FYB1: variants seen among roughly 807,000 people sequenced by gnomAD.
FYB1 encodes the protein FYN-binding protein 1.
FYB1 carries 41 observed loss-of-function variants against 94.1 expected under a neutral mutation model. That is an observed-to-expected ratio of 0.44 (90% CI 0.34 to 0.57). The LOEUF (loss-of-function observed/expected upper bound fraction) is 0.57, where lower values mean the gene tolerates loss of function less well. Ranked by LOEUF, FYB1 falls within the 20% of genes least tolerant of loss-of-function variation. FYB1 has a pLI of 0.02. For synonymous variants in FYB1, 367 were observed against 353.2 expected, an observed-to-expected ratio of 1.04 and a Z score of -0.44; for missense variants, 1,050 against 976.8, an observed-to-expected ratio of 1.07 and a Z score of -1.00.
At chr5:39,204,117 T>A (rs1414475088) in intron 1 of FYB1, among the ~76,000 whole-genome samples, 2 of 152,140 alleles carry the variant, frequency 1.3e-5, no homozygotes, top group African/African-American at 4.8e-5. Flanking sequence ...GCACATTTCA[T>A]CTTTCAAGGT....
At chr5:39,245,523 G>A (rs1035882029) in intron 1 of FYB1, among the ~76,000 whole-genome samples, 10 of 152,078 alleles carry the variant, frequency 6.6e-5, no homozygotes, top group Admixed American at 3.3e-4. Flanking sequence ...GCAGAGAAGC[G>A]GGTTCTATTA....
intron 1 of FYB1, among the ~76,000 whole-genome samples, chr5:39,265,690 C>T (rs559200046): frequency 6.6e-6 from 1 of 151,960 alleles, no homozygotes. Flanking sequence ...AAAAGAAATG[C>T]ACATTTCCAG....
intron 3 of FYB1, among the ~76,000 whole-genome samples, chr5:39,148,153 TTTTATATATATATATATATA>T (rs1222395692): frequency 0.033 from 2,614 of 79,440 alleles, 217 homozygotes; most frequent in African/African-American, 0.056. Flanking sequence ...TATATGTATT[TTTTATATATATATATATATA>T]TATATATATA....
intron 1 of FYB1, chr5:39,213,105 A>T (rs1038677003): frequency 6.6e-6 from 1 of 152,062 alleles, no homozygotes; most frequent in African/African-American, 2.4e-5. Flanking sequence ...CCCATTCCTA[A>T]TTTCATTATT....
intron 2 of FYB1, among the ~76,000 whole-genome samples, chr5:39,157,385 A>C (rs147948121): frequency 4.0e-3 from 610 of 152,268 alleles, no homozygotes; most frequent in Middle Eastern, 6.8e-3. Flanking sequence ...GGCTCTAGAG[A>C]CTGTAAGGCT....
intron 2 of FYB1, among the ~76,000 whole-genome samples, chr5:39,168,113 C>T (rs189425498): frequency 2.4e-4 from 36 of 152,264 alleles, no homozygotes; most frequent in African/African-American, 8.4e-4. Flanking sequence ...TAAACCTTTG[C>T]AATTGGTAGC....
intron 16 of FYB1, 145 bp from the exon 17 acceptor site, chr5:39,110,534 CT>C (rs1738974901): frequency 2.1e-6 from 1 of 484,580 alleles, no homozygotes; most frequent in African/African-American, 2.0e-5. Flanking sequence ...ATTTTTCTTA[CT>C]TGTGTCTACT....
chr5:39,209,472 T>C (rs951069660), intron 1 of FYB1, among the ~76,000 whole-genome samples: 2 of 152,036 alleles, frequency 1.3e-5, no homozygotes. Flanking sequence ...ACTACAGGCA[T>C]GCACCACCAC....
At chr5:39,204,638 C>T (rs1748681688) in intron 1 of FYB1, among the ~76,000 whole-genome samples, 1 of 152,118 alleles carries the variant, frequency 6.6e-6, no homozygotes, top group Non-Finnish European at 1.5e-5. Context: ...CCTGCATCAC[C>T]TAGACCAGGG....
upstream of FYB1, among the ~76,000 whole-genome samples, chr5:39,221,749 C>A (rs1034191021): frequency 6.6e-6 from 1 of 152,138 alleles, no homozygotes; most frequent in Non-Finnish European, 1.5e-5. Context: ...ATAATCCCAG[C>A]ACTTTGGGAG....
At chr5:39,203,257 C>T (rs1748543094) in intron 1 of FYB1, among the ~76,000 whole-genome samples, 1 of 152,046 alleles carries the variant, frequency 6.6e-6, no homozygotes, top group Non-Finnish European at 1.5e-5. Context: ...TTTCTTTATT[C>T]TCACTGTTTC....
chr5:39,186,006 A>C (rs1040700869), intron 2 of FYB1, among the ~76,000 whole-genome samples: 1 of 152,066 alleles, frequency 6.6e-6, no homozygotes, highest in Admixed American at 6.5e-5. Flanking sequence ...AAAGAGGAGC[A>C]CCTGGATTGA....
intron 1 of FYB1, among the ~76,000 whole-genome samples, chr5:39,233,130 G>A (rs1235289227): frequency 2.6e-5 from 4 of 152,160 alleles, no homozygotes; most frequent in Non-Finnish European, 4.4e-5. Flanking sequence ...CTAGATCCCT[G>A]AGGAATCGCC....
At chr5:39,111,649 G>T (rs1357238799) in intron 16 of FYB1, among the ~76,000 whole-genome samples, 1 of 151,684 alleles carries the variant, frequency 6.6e-6, no homozygotes, top group Non-Finnish European at 1.5e-5. Flanking sequence ...TATCATATTT[G>T]GGAAAGAAAG....
chr5:39,127,583 C>T (rs1200078681), intron 11 of FYB1, among the ~76,000 whole-genome samples, 158 bp downstream of exon 11: 2 of 151,972 alleles, frequency 1.3e-5, no homozygotes, highest in Admixed American at 6.6e-5. Context: ...TGAAATTACA[C>T]TTCCTGGTTT....
intron 1 of FYB1, among the ~76,000 whole-genome samples, chr5:39,207,678 ACAGGATTTTGTTTTGTT>A (rs1748981403): frequency 2.0e-5 from 3 of 151,996 alleles, no homozygotes. Context: ...ATTATTAGGA[ACAGGATTTTGTTTTGTT>A]TTAGTTTTAT....
Position 39,202,712 on chromosome 5 carries a change from T to C in FYB1, c.249A>G (p.Leu83=). The change falls in exon 2 of 19, where the codon CTA becomes CTG. Residue 83 remains leucine (L), a synonymous_variant. Transcript: ENST00000512982. The part of the protein sequence containing the change: ...KPDKEPKPPF[L]KPTGAGQRFG... ...ATCTTTGGCCTGCTCCAGTGGGCTT[T>C]AGAAACGGGGGCTTGGGTTCCTTGT... 1 of 1,613,828 alleles carries C rather than the reference T, an allele frequency of 6.2e-7. No individual in the cohort carries two copies. Among genetic ancestry groups the C allele is most frequent in the Non-Finnish European group, 8.5e-7 (1 of 1,179,838 alleles).
intron 2 of FYB1, among the ~76,000 whole-genome samples, chr5:39,192,355 A>G (rs979187691): frequency 2.6e-5 from 4 of 152,178 alleles, no homozygotes; most frequent in African/African-American, 9.7e-5. Context: ...ATTTTGATCA[A>G]ATTAGGTAAA....
At chr5:39,111,634 A>G (rs758633719) in intron 16 of FYB1, among the ~76,000 whole-genome samples, 1 of 151,962 alleles carries the variant, frequency 6.6e-6, no homozygotes, top group East Asian at 1.9e-4. Flanking sequence ...AAAACAATTT[A>G]TAAGTATCAT....
Sources: allele counts gnomAD v4.1 joint callset (sites outside exome capture counted in the v4.1 genomes callset), GRCh38; gene constraint gnomAD v4.1.1; transcripts MANE v1.5; gene names NCBI Gene and HGNC (gene_info 2026-07-23, HGNC 2026-07-21).